Variants in ACSL6 observed in about 807,000 individuals in gnomAD.
ACSL6 encodes acyl-CoA synthetase long chain family member 6.
Under a neutral mutation model 98.2 loss-of-function variants are expected in ACSL6, and 47 were observed. That is an observed-to-expected ratio of 0.48 (90% CI 0.38 to 0.61). The LOEUF is 0.61. Ranked by LOEUF, ACSL6 falls within the 20% of genes least tolerant of loss-of-function variation. The probability of loss-of-function intolerance (pLI) is 0.00; values close to 1 mark genes in which losing one functional copy is unlikely to be tolerated. For missense variants in ACSL6, 761 were observed against 913.4 expected (o/e 0.83, Z 2.15); for synonymous variants, 362 against 336.9 (o/e 1.07, Z -0.82).
chr5:132,011,318 G>C lies in ACSL6; in HGVS notation c.49+187C>G, dbSNP rs1755713536. 1 of 657,940 alleles carries C rather than the reference G, an allele frequency of 1.5e-6. No homozygotes were observed. Among genetic ancestry groups the C allele is most frequent in the Admixed American group, 2.6e-5 (1 of 39,206 alleles). The allele number at this position is 657,940 out of a possible 1,614,324, so 40.8% of individuals were successfully genotyped here. On this transcript the variant is annotated intron_variant, in intron 1 of 20. Coordinates refer to ENST00000651883, the MANE Select transcript of ACSL6 (RefSeq NM_001009185.3). This position sits in a 1 kb window ranked among gnomAD's most constrained non-coding sequence, Gnocchi z 5.4. ...GCAGACCCAGGTGCTCCCCAAACCC[G>C]GCCCGGAGCCCGCGAGAACTGGGGG...
Position 131,952,330 on chromosome 5 carries a change from TAA to T in ACSL6, c.*1902_*1903del. The T allele has an allele frequency of 4.9e-6, 1 of 202,524 alleles. No homozygotes were observed. The highest frequency in any genetic ancestry group is 1.0e-5 in the Non-Finnish European group (1 of 98,592). 12.5% of individuals were successfully genotyped at this position (202,524 alleles called of 1,614,324 possible). A position where few individuals can be genotyped will look rare whatever the true frequency, so the allele number is the denominator to read the frequency against. On this transcript the variant is annotated 3_prime_UTR_variant, in exon 21 of 21. Transcript: ENST00000651883. The stretch of plus-strand genomic sequence containing the variant: ...GAGAATATGCCCAAGAAAAACTGGA[TAA>T]AAAGACTGGGTAAATACATCAAATG...
intron 16 of ACSL6, 119 bp from the exon 17 acceptor site, chr5:131,966,651 T>A: frequency 1.2e-6 from 1 of 843,098 alleles, no homozygotes; most frequent in South Asian, 1.4e-5. Flanking sequence ...ACTGTGGATA[T>A]GGCAGGGATG....
chr5:132,012,020 G>GC, upstream of ACSL6: 1 of 1,420,746 alleles, frequency 7.0e-7, no homozygotes, highest in South Asian at 1.4e-5. Context: ...ACGCGACCCT[G>GC]CCCCCGCGCG....
chr5:131,987,927 T>C (rs1754283936), intron 7 of ACSL6, 121 bp downstream of exon 7: 1 of 1,320,336 alleles, frequency 7.6e-7, no homozygotes, highest in Non-Finnish European at 1.1e-6. Flanking sequence ...GTCTGGACAC[T>C]GATATACCCT....
chr5:132,005,317 GC>G (rs1195823447), intron 1 of ACSL6, among the ~76,000 whole-genome samples: 1 of 152,232 alleles, frequency 6.6e-6, no homozygotes, highest in Non-Finnish European at 1.5e-5. Flanking sequence ...AGCTCTAGTG[GC>G]AGGGCAGAGT....
At chr5:132,012,148 G>A, upstream of ACSL6, 1 of 506,694 alleles carries the variant, frequency 2.0e-6, no homozygotes, top group Non-Finnish European at 3.3e-6. Flanking sequence ...CGCCCCCTAG[G>A]ACCCGAGTTT....
chr5:131,994,206 A>G lies in ACSL6; in HGVS notation c.95T>C (p.Leu32Pro). ...LLEKMQTQEI[L>P]RILRLPELGD... is the part of the protein sequence containing the mutation. ...TAGCTCAGGCAGTCGCAGTATCCTC[A>G]GGATCTCCTGTGTCTGCATCTTCTC... The change falls in exon 2 of 21, where the codon CTG (leucine) becomes CCG (proline). Residue 32 changes from leucine (L) to proline (P), a missense_variant. Transcript: ENST00000651883. The G allele has an allele frequency of 6.2e-7, 1 of 1,614,070 alleles. No homozygotes were observed. Among genetic ancestry groups the G allele is most frequent in the Non-Finnish European group, 8.5e-7 (1 of 1,179,982 alleles).
At chr5:132,010,093 C>T (rs1280021955) in intron 1 of ACSL6, among the ~76,000 whole-genome samples, 2 of 152,214 alleles carry the variant, frequency 1.3e-5, no homozygotes, top group African/African-American at 4.8e-5. Context: ...CTAGCCCTGC[C>T]CTTGTCTGCT....
chr5:132,011,934 G>C (rs775212538), upstream of ACSL6: 5 of 1,553,902 alleles, frequency 3.2e-6, no homozygotes, highest in Non-Finnish European at 4.3e-6. This position sits in a 1 kb window ranked among gnomAD's most constrained non-coding sequence, Gnocchi z 5.4. Context: ...GCGGAAACCG[G>C]CTGGAAGGGG....
At chr5:131,984,349 C>A (rs1429701579) in intron 9 of ACSL6, 1 of 152,212 alleles carries the variant, frequency 6.6e-6, no homozygotes, top group East Asian at 1.9e-4. Flanking sequence ...CATGCAGAGC[C>A]CCAGTTCACT....
chr5:131,967,842 T>C, intron 16 of ACSL6, 98 bp downstream of exon 16: 1 of 1,099,846 alleles, frequency 9.1e-7, no homozygotes. Flanking sequence ...AATGACTTTA[T>C]ACACAAGGCA....
At chr5:132,005,960 C>T (rs1755386097) in intron 1 of ACSL6, among the ~76,000 whole-genome samples, 1 of 152,182 alleles carries the variant, frequency 6.6e-6, no homozygotes, top group Admixed American at 6.5e-5. Context: ...AGGTGCCAGC[C>T]CACATTTGCT....
At position 131,962,598 on chromosome 5, in the gene ACSL6, A is replaced by G. The variant is rs1401614573; in HGVS notation, c.1794T>C (p.Ile598=). Residue 598 remains isoleucine, a synonymous_variant, in exon 18 of 21, where the codon ATT becomes ATC. Coordinates refer to ENST00000651883, the MANE Select transcript of ACSL6 (RefSeq NM_001009185.3). ...GTTGGCTCCGGATGTAGATGTTCTCAATCTTCTCGGGTGCAACATATTCTC... is the reference window on the plus strand; with the variant it reads ...GTTGGCTCCGGATGTAGATGTTCTCGATCTTCTCGGGTGCAACATATTCTC... ...AQGEYVAPEK[I]ENIYIRSQPV... 2 of 1,613,904 alleles carry G rather than the reference A, an allele frequency of 1.2e-6. No individual in the cohort carries two copies. The highest frequency in any genetic ancestry group is 1.7e-6 in the Non-Finnish European group (2 of 1,179,948).
intron 2 of ACSL6, among the ~76,000 whole-genome samples, chr5:131,992,505 C>T (rs769040090): frequency 3.9e-5 from 6 of 152,162 alleles, no homozygotes; most frequent in Non-Finnish European, 7.4e-5. Context: ...AGGGAGGATG[C>T]AGTCATTCCA....
At chr5:131,955,506 A>C (rs138447282) in intron 20 of ACSL6, among the ~76,000 whole-genome samples, 1 of 152,272 alleles carries the variant, frequency 6.6e-6, no homozygotes, top group African/African-American at 2.4e-5. Context: ...GTGCACTGAG[A>C]ACTAGGTGAT....
chr5:131,974,642 G>T, intron 11 of ACSL6: 2 of 1,194,770 alleles, frequency 1.7e-6, no homozygotes, highest in Non-Finnish European at 2.4e-6. Context: ...GACCCCTATG[G>T]TACCTTCTGA....
intron 1 of ACSL6, among the ~76,000 whole-genome samples, chr5:132,009,153 C>T (rs1445576706): frequency 6.6e-6 from 1 of 152,236 alleles, no homozygotes; most frequent in East Asian, 1.9e-4. Context: ...AGATGGCTAC[C>T]TCCCACAAAC....
At chr5:131,981,028 C>T (rs1353655733) in intron 9 of ACSL6, among the ~76,000 whole-genome samples, 2 of 152,108 alleles carry the variant, frequency 1.3e-5, no homozygotes, top group Admixed American at 6.5e-5. Flanking sequence ...AGGCAGAAGC[C>T]GTCAGAGGAC....
chr5:131,983,717 C>T (rs532621281), intron 9 of ACSL6: 22 of 152,454 alleles, frequency 1.4e-4, no homozygotes, highest in African/African-American at 5.0e-4. Context: ...AGGCAACAGC[C>T]ATAGCTTTGG....
Sources: gnomAD v4.1 joint callset for allele counts (sites outside exome capture counted in the v4.1 genomes callset) on GRCh38, gnomAD v4.1.1 for gene constraint, Gnocchi (gnomAD v3.1) non-coding constraint, MANE v1.5 for transcripts, NCBI Gene and HGNC (gene_info 2026-07-23, HGNC 2026-07-21) for gene names.